Variants in FAM167A observed in about 807,000 individuals in gnomAD.
FAM167A encodes the protein protein FAM167A.
FAM167A carries 23 observed loss-of-function variants against 14.9 expected under a neutral mutation model. That is an observed-to-expected ratio of 1.55 (90% confidence interval 1.11 to 2.19). The LOEUF is 2.19. Ranked by LOEUF, FAM167A falls within the 30% of genes most tolerant of loss-of-function variation. FAM167A has a pLI of 0.00. For missense variants in FAM167A, 401 were observed against 281.5 expected (o/e 1.42, Z -3.04); for synonymous variants, 174 against 117.7 (o/e 1.48, Z -3.10).
chr8:11,452,268 T>C (rs1807058194), intron 1 of FAM167A, among the ~76,000 whole-genome samples: 1 of 152,216 alleles, frequency 6.6e-6, no homozygotes, highest in Admixed American at 6.5e-5. Context: ...ATTTCGCATA[T>C]GAGTGAATTT....
intron 2 of FAM167A, among the ~76,000 whole-genome samples, chr8:11,439,667 TAGA>T (rs1806309747): frequency 7.5e-6 from 1 of 133,352 alleles, no homozygotes; most frequent in Non-Finnish European, 1.7e-5. Context: ...TGCGTGAAAC[TAGA>T]AGAAAAATAT....
chr8:11,460,784 C>T (rs1021228955), intron 1 of FAM167A, among the ~76,000 whole-genome samples: 3 of 152,102 alleles, frequency 2.0e-5, no homozygotes, highest in Non-Finnish European at 2.9e-5. Flanking sequence ...GCGCTGGCTG[C>T]GCTTGCACCC....
At chr8:11,426,982 G>A (rs769500602) in intron 2 of FAM167A, among the ~76,000 whole-genome samples, 23 of 152,188 alleles carry the variant, frequency 1.5e-4, no homozygotes, top group Non-Finnish European at 2.9e-4. Flanking sequence ...ACATTGCCAG[G>A]GTGAAATTCA....
At chr8:11,438,570 T>C (rs1458549133) in intron 2 of FAM167A, 5 of 443,100 alleles carry the variant, frequency 1.1e-5, no homozygotes, top group African/African-American at 1.0e-4. Context: ...ATACATGATA[T>C]ATTCCTATTT....
intron 1 of FAM167A, among the ~76,000 whole-genome samples, chr8:11,456,698 A>G (rs904805640): frequency 6.7e-6 from 1 of 150,342 alleles, no homozygotes. Context: ...ACATGTGCAG[A>G]GCTGTTAGGG....
At chr8:11,455,708 G>A (rs1248618547) in intron 1 of FAM167A, among the ~76,000 whole-genome samples, 1 of 142,606 alleles carries the variant, frequency 7.0e-6, no homozygotes, top group Non-Finnish European at 1.5e-5. Context: ...GTTGCTCTGC[G>A]GGGTGTATGA....
Position 11,451,201 on chromosome 8 carries a change from G to A in FAM167A, c.-397-6393C>T, listed in dbSNP as rs554232335. 1.1e-4 allele frequency among the ~76,000 whole-genome samples: 17 copies of A among 152,330 alleles called. No homozygotes were observed. In the South Asian group the frequency reaches 3.5e-3, roughly 32 times the overall value. ...TTGCTCTGAGCTGGCCGGGGCCGCT[G>A]GGGCCACCATGCTCAGCACATGTGG... On this transcript the variant is annotated intron_variant, in intron 1 of 2. Transcript: ENST00000284486.
chr8:11,452,908 C>T (rs371504994), intron 1 of FAM167A, among the ~76,000 whole-genome samples: 46 of 152,336 alleles, frequency 3.0e-4, no homozygotes, highest in Middle Eastern at 3.4e-3. Flanking sequence ...TCTGACTTCA[C>T]GCAGGAGAAA....
Position 11,423,337 on chromosome 8 carries a change from G to A in FAM167A, c.*1036C>T, listed in dbSNP as rs1205377539. 2 of 152,578 alleles carry A rather than the reference G, an allele frequency of 1.3e-5. No homozygotes were observed. The highest frequency in any genetic ancestry group is 2.9e-5 in the Non-Finnish European group (2 of 68,038). The allele number at this position is 152,578 out of a possible 1,614,324, so 9.5% of individuals were successfully genotyped here. ...GCACTGTAGTTGACCTACACAAGTG[G>A]CTTCCGCATTTGGACAAAAATCAGT... On this transcript the variant is annotated 3_prime_UTR_variant, in exon 3 of 3. Transcript: ENST00000284486.
In FAM167A at chr8:11,423,701, G is replaced by A. The variant is rs1804926260; in HGVS notation, c.*672C>T. On this transcript the variant is annotated 3_prime_UTR_variant, in exon 3 of 3. Transcript: ENST00000284486. ...GGACATCTGTGCTTGTTGCACCCAAGCTACGCTAGTGCCCCCATCACATGT... is the reference window on the plus strand; with the variant it reads ...GGACATCTGTGCTTGTTGCACCCAAACTACGCTAGTGCCCCCATCACATGT... 2 of 152,694 alleles carry A rather than the reference G, an allele frequency of 1.3e-5. No homozygotes were observed. The highest frequency in any genetic ancestry group is 4.8e-5 in the African/African-American group (2 of 41,446). 9.5% of individuals were successfully genotyped at this position (152,694 alleles called of 1,614,324 possible).
intron 2 of FAM167A, among the ~76,000 whole-genome samples, chr8:11,441,618 C>T (rs890367172): frequency 4.6e-5 from 7 of 152,218 alleles, no homozygotes; most frequent in African/African-American, 1.4e-4. Context: ...CTACCTCTCT[C>T]CCCATAGCTC....
intron 1 of FAM167A, among the ~76,000 whole-genome samples, chr8:11,448,278 C>G (rs1397338539): frequency 6.6e-6 from 1 of 151,990 alleles, no homozygotes; most frequent in African/African-American, 2.4e-5. Context: ...GTGCCACTGC[C>G]CACAGCCATG....
intron 2 of FAM167A, among the ~76,000 whole-genome samples, chr8:11,424,962 G>A (rs1308086467): frequency 6.6e-6 from 1 of 152,134 alleles, no homozygotes; most frequent in African/African-American, 2.4e-5. Context: ...GAGTATAAAG[G>A]AAAACATAGG....
intron 1 of FAM167A, among the ~76,000 whole-genome samples, chr8:11,449,449 G>T (rs1806932310): frequency 6.6e-6 from 1 of 152,194 alleles, no homozygotes; most frequent in African/African-American, 2.4e-5. Context: ...ACAAACCAGG[G>T]ACTCCTGGGG....
At chr8:11,445,167 T>C in intron 1 of FAM167A, 3 of 984,678 alleles carry the variant, frequency 3.0e-6, no homozygotes, top group East Asian at 1.1e-4. Flanking sequence ...CAGCAATAAG[T>C]TGTGGGGACA....
At chr8:11,469,267 A>C (rs1367115037), upstream of FAM167A, among the ~76,000 whole-genome samples, 1 of 152,236 alleles carries the variant, frequency 6.6e-6, no homozygotes, top group African/African-American at 2.4e-5. Flanking sequence ...GGAGGATTTA[A>C]AATGTCTTCT....
chr8:11,428,447 C>T (rs904707338), intron 2 of FAM167A, among the ~76,000 whole-genome samples: 4 of 152,224 alleles, frequency 2.6e-5, no homozygotes, highest in Admixed American at 6.5e-5. Context: ...CACATGCATT[C>T]AATTCTGCGT....
At position 11,444,449 on chromosome 8, in the gene FAM167A, C is replaced by CG. The variant is rs770226124; in HGVS notation, c.-39dup. Reference sequence around the variant, plus strand: ...CCTGGCAGCCGGACATGCGAGGGCACGGGGGGCGCAGGGGGAGGCTTGGTG... The same window carrying CG: ...CCTGGCAGCCGGACATGCGAGGGCACGGGGGGGCGCAGGGGGAGGCTTGGTG... On this transcript the variant is annotated 5_prime_UTR_variant, in exon 2 of 3. The change abolishes the stop of an existing upstream ORF in the 5' untranslated region. Coordinates refer to ENST00000284486, the MANE Select transcript of FAM167A (RefSeq NM_053279.3). 10 of 1,479,694 alleles carry CG rather than the reference C, an allele frequency of 6.8e-6. No homozygotes were observed. Among genetic ancestry groups the CG allele is most frequent in the Non-Finnish European group, 6.3e-6 (7 of 1,113,540 alleles). 91.7% of individuals were successfully genotyped at this position (1,479,694 alleles called of 1,614,324 possible).
intron 2 of FAM167A, chr8:11,438,224 G>A: frequency 4.6e-6 from 2 of 436,520 alleles, no homozygotes; most frequent in Non-Finnish European, 9.2e-6. Flanking sequence ...AGGTGCTGCT[G>A]TGGGGATCCT....
Sources: allele counts gnomAD v4.1 joint callset (sites outside exome capture counted in the v4.1 genomes callset), GRCh38; gene constraint gnomAD v4.1.1; transcripts MANE v1.5; gene names NCBI Gene and HGNC (gene_info 2026-07-23, HGNC 2026-07-21).